EPS8: variants seen among roughly 807,000 people sequenced by gnomAD.
EPS8 encodes the protein epidermal growth factor receptor kinase substrate 8.
In EPS8, 42 loss-of-function variants were observed where a neutral mutation model predicts 103.8. That is an observed-to-expected ratio of 0.40 (90% CI 0.32 to 0.52). The LOEUF (loss-of-function observed/expected upper bound fraction) is 0.52. Ranked by LOEUF, EPS8 falls within the 20% of genes least tolerant of loss-of-function variation. EPS8 has a pLI of 0.40. For missense variants in EPS8, 969 were observed against 1,005.1 expected (o/e 0.96, Z 0.49); for synonymous variants, 344 against 344.6 (o/e 1.00, Z 0.02).
In EPS8 at chr12:15,736,387, G is replaced by A. The variant is rs543156387; in HGVS notation, c.-22+52774C>T. Among the ~76,000 whole-genome samples, 27 of 152,246 alleles carry A rather than the reference G, an allele frequency of 1.8e-4. No individual in the cohort carries two copies. The highest frequency in any genetic ancestry group is 3.8e-4 in the Non-Finnish European group (26 of 68,020). ...GAAGAGAATTTCATTCTTCTGTACA[G>A]AGGTTAATATAATAAAAAATCACTT... On this transcript the variant is annotated intron_variant, in intron 1 of 20. Coordinates refer to ENST00000281172, the MANE Select transcript of EPS8 (RefSeq NM_004447.6). This position sits in a 1 kb window ranked among gnomAD's most constrained non-coding sequence, Gnocchi z 4.2.
chr12:15,684,600 T>C lies in EPS8; in HGVS notation c.-21-1628A>G, dbSNP rs1235915445. 6.6e-6 allele frequency among the ~76,000 whole-genome samples: 1 copy of C among 152,130 alleles called. No individual in the cohort carries two copies. The highest frequency in any genetic ancestry group is 2.4e-5 in the African/African-American group (1 of 41,394). The stretch of plus-strand genomic sequence containing the variant: ...CTTAGGGAAACAAAGTTAATTCATG[T>C]AAAACAAATAGTAAGGAATTAAGTC... On this transcript the variant is annotated intron_variant, in intron 1 of 20. Coordinates refer to ENST00000281172, the MANE Select transcript of EPS8 (RefSeq NM_004447.6). This position sits in a 1 kb window ranked among gnomAD's most constrained non-coding sequence, Gnocchi z 4.9.
At position 15,713,893 on chromosome 12, in the gene EPS8, C is replaced by A. The variant is rs1946499073; in HGVS notation, c.-21-30921G>T. Among the ~76,000 whole-genome samples, 1 of 152,168 alleles carries A rather than the reference C, an allele frequency of 6.6e-6. No individual in the cohort carries two copies. The highest frequency in any genetic ancestry group is 1.5e-5 in the Non-Finnish European group (1 of 68,026). The stretch of plus-strand genomic sequence containing the variant: ...TTAAAATCCTAAACCTATGACACAA[C>A]AGTTTTGAAATGTGAATCTTATTTG... On this transcript the variant is annotated intron_variant, in intron 1 of 20. Coordinates refer to ENST00000281172, the MANE Select transcript of EPS8 (RefSeq NM_004447.6). The surrounding 1 kb of genome is among the most constrained non-coding windows in gnomAD (Gnocchi z 4.8).
At position 15,745,351 on chromosome 12, in the gene EPS8, C is replaced by T. The variant is rs1003885903; in HGVS notation, c.-22+43810G>A. On this transcript the variant is annotated intron_variant, in intron 1 of 20. Transcript: ENST00000281172. This position sits in a 1 kb window ranked among gnomAD's most constrained non-coding sequence, Gnocchi z 4.6. ...CAAGTACATGACGTTTGTGCGGGCC[C>T]TCCCCGTTCCCATAAAAAACATCAA... is the stretch of plus-strand genomic sequence containing the variant. Among the ~76,000 whole-genome samples the T allele has an allele frequency of 9.9e-5, 15 of 152,114 alleles. No individual in the cohort carries two copies. The highest frequency in any genetic ancestry group is 1.9e-4 in the Non-Finnish European group (13 of 68,010).
At chr12:15,705,481 G>GT (rs1946373404) in intron 1 of EPS8, among the ~76,000 whole-genome samples, 2 of 151,874 alleles carry the variant, frequency 1.3e-5, no homozygotes, top group East Asian at 3.8e-4. Context: ...ACTCCAAGGG[G>GT]TTTAAAAAAA....
intron 1 of EPS8, among the ~76,000 whole-genome samples, chr12:15,788,345 CA>C (rs1947330702): frequency 6.6e-6 from 1 of 152,174 alleles, no homozygotes; most frequent in Admixed American, 6.5e-5. Flanking sequence ...CTGCGGATTT[CA>C]AATCCTAACC....
At position 15,716,403 on chromosome 12, in the gene EPS8, TA is replaced by T. The variant is rs1296873131; in HGVS notation, c.-21-33432del. Among the ~76,000 whole-genome samples the T allele has an allele frequency of 1.3e-5, 2 of 152,186 alleles. No individual in the cohort carries two copies. Among genetic ancestry groups the T allele is most frequent in the Middle Eastern group, 3.4e-3 (1 of 294 alleles). ...ATATGACAAATCATTGTCCAAATAT[TA>T]AAAAAATGGCATGGACTGAAACCAT... On this transcript the variant is annotated intron_variant, in intron 1 of 20. Coordinates refer to ENST00000281172, the MANE Select transcript of EPS8 (RefSeq NM_004447.6). This position sits in a 1 kb window ranked among gnomAD's most constrained non-coding sequence, Gnocchi z 5.0.
At chr12:15,670,017 AG>A (rs904110504) in intron 4 of EPS8, among the ~76,000 whole-genome samples, 192 bp from the exon 5 acceptor site, 2 of 152,230 alleles carry the variant, frequency 1.3e-5, no homozygotes, top group African/African-American at 4.8e-5. Context: ...TTTGAATAGA[AG>A]AAATGGTGTT....
In EPS8 at chr12:15,747,008, C is replaced by T. The variant is rs896930897; in HGVS notation, c.-22+42153G>A. On this transcript the variant is annotated intron_variant, in intron 1 of 20. Coordinates refer to ENST00000281172, the MANE Select transcript of EPS8 (RefSeq NM_004447.6). This position sits in a 1 kb window ranked among gnomAD's most constrained non-coding sequence, Gnocchi z 4.4. ...TAACAAGGGACTCCTTTCTTCTTTG[C>T]CTTTTTCTGATATTTTTAAATCCTC... Among the ~76,000 whole-genome samples, 1 of 152,100 alleles carries T rather than the reference C, an allele frequency of 6.6e-6. No homozygotes were observed. Among genetic ancestry groups the T allele is most frequent in the Non-Finnish European group, 1.5e-5 (1 of 68,004 alleles).
At chr12:15,774,165 C>T (rs1273023240) in intron 1 of EPS8, among the ~76,000 whole-genome samples, 1 of 151,708 alleles carries the variant, frequency 6.6e-6, no homozygotes, top group African/African-American at 2.4e-5. Flanking sequence ...AAAAAAGATT[C>T]TCTGGTAATG....
rs1478075967 is a variant in EPS8 at position 15,704,722 on chromosome 12, T to G, written c.-21-21750A>C. Among the ~76,000 whole-genome samples, 2 of 152,168 alleles carry G rather than the reference T, an allele frequency of 1.3e-5. No homozygotes were observed. Among genetic ancestry groups the G allele is most frequent in the African/African-American group, 4.8e-5 (2 of 41,440 alleles). The stretch of plus-strand genomic sequence containing the variant: ...ACTATACATTTAAAGATGGTTAAGT[T>G]GGTAAATTTAATATCAACTTTATCA... On this transcript the variant is annotated intron_variant, in intron 1 of 20. Coordinates refer to ENST00000281172, the MANE Select transcript of EPS8 (RefSeq NM_004447.6). The surrounding 1 kb of genome is among the most constrained non-coding windows in gnomAD (Gnocchi z 4.6).
rs572457335 is a variant in EPS8, at chr12:15,705,255, C to G, written c.-21-22283G>C. Among the ~76,000 whole-genome samples the G allele has an allele frequency of 8.9e-4, 136 of 152,268 alleles. 5 individuals carry two copies. In the South Asian group the frequency reaches 0.028, roughly 31 times the overall value. Reference sequence around the variant, plus strand: ...TTGCTTCACCCCTACACACTGATCTCAGTCTACTGAGGAGATAAAATAAGA... The same window carrying G: ...TTGCTTCACCCCTACACACTGATCTGAGTCTACTGAGGAGATAAAATAAGA... On this transcript the variant is annotated intron_variant, in intron 1 of 20. Transcript: ENST00000281172.
chr12:15,634,902 A>C, intron 17 of EPS8: 1 of 391,708 alleles, frequency 2.6e-6, no homozygotes, highest in South Asian at 1.4e-4. Flanking sequence ...CCCACAATCA[A>C]CCAGTGAAGG....
intron 1 of EPS8, among the ~76,000 whole-genome samples, chr12:15,729,206 A>T (rs984962045): frequency 5.3e-5 from 8 of 152,180 alleles, no homozygotes; most frequent in Admixed American, 3.3e-4. Context: ...CAATTTGAAT[A>T]AGATATGCCT....
In EPS8 at chr12:15,785,606, CAT is replaced by C. The variant is rs1947303601; in HGVS notation, c.-22+3553_-22+3554del. 1.3e-5 allele frequency among the ~76,000 whole-genome samples: 2 copies of C among 152,170 alleles called. No homozygotes were observed. Among genetic ancestry groups the C allele is most frequent in the African/African-American group, 2.4e-5 (1 of 41,548 alleles). On this transcript the variant is annotated intron_variant, in intron 1 of 20. Transcript: ENST00000281172. The surrounding 1 kb of genome is among the most constrained non-coding windows in gnomAD (Gnocchi z 4.9). The stretch of plus-strand genomic sequence containing the variant: ...CACACATGTATTTCTTGCTTTGTCA[CAT>C]GAGAGAACCTAGAAGCAATGATACC...
In EPS8 at chr12:15,779,820, T is replaced by C. The variant is rs1299054161; in HGVS notation, c.-22+9341A>G. On this transcript the variant is annotated intron_variant, in intron 1 of 20. Transcript: ENST00000281172. The surrounding 1 kb of genome is among the most constrained non-coding windows in gnomAD (Gnocchi z 4.3). ...TCTCTTATCAAGCACATAATTCATT[T>C]AACAAGTTATTTTTTAGTACATTCC... is the stretch of plus-strand genomic sequence containing the variant. Among the ~76,000 whole-genome samples the C allele has an allele frequency of 2.0e-5, 3 of 152,228 alleles. No individual in the cohort carries two copies. Among genetic ancestry groups the C allele is most frequent in the African/African-American group, 7.2e-5 (3 of 41,464 alleles).
Position 15,769,171 on chromosome 12 carries a change from G to GA in EPS8, c.-22+19989dup, listed in dbSNP as rs1261343771. Among the ~76,000 whole-genome samples the GA allele has an allele frequency of 6.6e-6, 1 of 151,420 alleles. No homozygotes were observed. The highest frequency in any genetic ancestry group is 2.4e-5 in the African/African-American group (1 of 41,222). On this transcript the variant is annotated intron_variant, in intron 1 of 20. Transcript: ENST00000281172. The surrounding 1 kb of genome is among the most constrained non-coding windows in gnomAD (Gnocchi z 4.6). ...CAGGATCACATGAACTAACCTGAAA[G>GA]AAAAAAACAGGAGTTCTCTGTCTAT... is the stretch of plus-strand genomic sequence containing the variant.
chr12:15,649,871 T>C (rs117745770), intron 14 of EPS8, among the ~76,000 whole-genome samples: 2,261 of 152,278 alleles, frequency 0.015, 32 homozygotes, highest in Middle Eastern at 0.051. Flanking sequence ...ATACCTATGA[T>C]AGTCTGAGAA....
chr12:15,683,092 T>C (rs1428595284), intron 1 of EPS8, 120 bp from the exon 2 acceptor site: 2 of 538,980 alleles, frequency 3.7e-6, no homozygotes, highest in African/African-American at 2.0e-5. Flanking sequence ...AATGCAAAGA[T>C]AAAGATCTCC....
At chr12:15,650,742 T>C in intron 14 of EPS8, 81 bp downstream of exon 14, 2 of 1,179,200 alleles carry the variant, frequency 1.7e-6, no homozygotes, top group South Asian at 2.9e-5. Flanking sequence ...TTGAATAAAA[T>C]GAGAACTTGC....
Sources: allele counts gnomAD v4.1 joint callset (sites outside exome capture counted in the v4.1 genomes callset), GRCh38; gene constraint gnomAD v4.1.1; non-coding constraint Gnocchi (gnomAD v3.1); transcripts MANE v1.5; gene names NCBI Gene and HGNC (gene_info 2026-07-23, HGNC 2026-07-21).